TTC6: variants seen among roughly 807,000 people sequenced by gnomAD.
TTC6 encodes the protein tetratricopeptide repeat protein 6.
A neutral mutation model predicts 210.4 loss-of-function variants in TTC6; 172 were observed. The ratio of observed to expected loss-of-function variants is 0.82; its 90% confidence interval spans 0.72 to 0.93. The LOEUF (loss-of-function observed/expected upper bound fraction) is 0.93. Among genes scored for constraint, TTC6 ranks in the 40% least tolerant of loss-of-function variants. The pLI, the probability that TTC6 is intolerant of heterozygous loss-of-function variation, is 0.00. For missense variants in TTC6, 2,414 were observed against 2,318.1 expected, an observed-to-expected ratio of 1.04 and a Z score of -0.85; for synonymous variants, 804 against 819.6, an observed-to-expected ratio of 0.98 and a Z score of 0.32.
chr14:37,685,386 C>T (rs1207106898), intron 3 of TTC6, among the ~76,000 whole-genome samples: 1 of 151,986 alleles, frequency 6.6e-6, no homozygotes, highest in Non-Finnish European at 1.5e-5. Flanking sequence ...AAGCCGAGAT[C>T]CAGAATGGGT....
In TTC6 at chr14:37,638,706, T is replaced by A. The variant is rs139289080; in HGVS notation, c.939+15703T>A. Reference sequence around the variant, plus strand: ...CTTGACTGTATCACTGTTGATATCCTGGTTGTGATATTGTATTATAGTTTT... The same window carrying A: ...CTTGACTGTATCACTGTTGATATCCAGGTTGTGATATTGTATTATAGTTTT... On this transcript the variant is annotated intron_variant, in intron 1 of 30. Transcript: ENST00000553443. Among the ~76,000 whole-genome samples the A allele has an allele frequency of 7.0e-3, 1,065 of 152,306 alleles. 10 individuals are homozygous for A. Among genetic ancestry groups the A allele is most frequent in the Middle Eastern group, 0.02 (6 of 294 alleles).
At chr14:37,760,950 C>T (rs1377436975) in intron 14 of TTC6, among the ~76,000 whole-genome samples, 1 of 152,182 alleles carries the variant, frequency 6.6e-6, no homozygotes, top group African/African-American at 2.4e-5. Context: ...GCTTGCTGGG[C>T]TCCATGGGAG....
upstream of TTC6, among the ~76,000 whole-genome samples, chr14:37,618,723 T>C (rs2095646622): frequency 6.6e-6 from 1 of 152,210 alleles, no homozygotes; most frequent in Admixed American, 6.5e-5. Flanking sequence ...AAGTTCCTGT[T>C]GAATTTAGAA....
At chr14:37,759,768 T>C (rs1167349417) in intron 14 of TTC6, among the ~76,000 whole-genome samples, 4 of 152,232 alleles carry the variant, frequency 2.6e-5, no homozygotes, top group Admixed American at 1.3e-4. Flanking sequence ...ATGTCTGATA[T>C]CCTTTTTTCT....
intron 14 of TTC6, among the ~76,000 whole-genome samples, chr14:37,759,647 A>G (rs757330530): frequency 1.6e-4 from 25 of 152,134 alleles, no homozygotes; most frequent in Non-Finnish European, 3.1e-4. Flanking sequence ...AATCAATCGT[A>G]GGTTTGGTCT....
At chr14:37,696,275 A>G (rs1595118035) in intron 3 of TTC6, among the ~76,000 whole-genome samples, 2 of 152,142 alleles carry the variant, frequency 1.3e-5, no homozygotes, top group Admixed American at 6.6e-5. Flanking sequence ...ATATCTTTAC[A>G]TGAGTGATTA....
upstream of TTC6, among the ~76,000 whole-genome samples, chr14:37,618,137 T>A (rs2095645674): frequency 6.6e-6 from 1 of 152,210 alleles, no homozygotes; most frequent in Admixed American, 6.5e-5. Flanking sequence ...AGTTTTGGAT[T>A]TTCCGTTCCA....
chr14:37,810,017 A>C lies in TTC6; in HGVS notation c.4569+1171A>C, dbSNP rs776926691. Among the ~76,000 whole-genome samples the C allele has an allele frequency of 5.5e-4, 83 of 152,242 alleles. 2 individuals carry two copies. Among genetic ancestry groups the C allele is most frequent in the Non-Finnish European group, 1.9e-4 (13 of 68,040 alleles). ...ACTCTCCATTCTGTGAAACGTGGAC[A>C]GTGAAATCTGTTTAAAACATTTAGT... On this transcript the variant is annotated intron_variant, in intron 24 of 30. Coordinates refer to ENST00000553443, the Ensembl canonical transcript of TTC6.
chr14:37,692,224 A>AAAAAAAAAAAAAAAAAAAAAAAAAG (rs2095805029), intron 3 of TTC6, among the ~76,000 whole-genome samples: 7 of 143,058 alleles, frequency 4.9e-5, no homozygotes, highest in South Asian at 2.2e-4. Flanking sequence ...AAAAAAAAAA[A>AAAAAAAAAAAAAAAAAAAAAAAAAG]AAAAAAAAGA....
chr14:37,616,177 G>T (rs529274263), intron 2 of TTC6, among the ~76,000 whole-genome samples: 4 of 152,184 alleles, frequency 2.6e-5, no homozygotes, highest in African/African-American at 9.7e-5. Context: ...AGTCGGAGAC[G>T]TGTGGGGTTT....
chr14:37,742,274 A>G lies in TTC6; in HGVS notation c.2363+3119A>G, dbSNP rs183739987. Among the ~76,000 whole-genome samples, 1,062 of 152,222 alleles carry G rather than the reference A, an allele frequency of 7.0e-3. 8 individuals are homozygous for G. Among genetic ancestry groups the G allele is most frequent in the Non-Finnish European group, 8.9e-3 (608 of 68,024 alleles). Reference sequence around the variant, plus strand: ...CCTGCGAGTGACCCTGTGGTCTCAGACCTGTTTTTCTTGGCTCATCTTGTG... The same window carrying G: ...CCTGCGAGTGACCCTGTGGTCTCAGGCCTGTTTTTCTTGGCTCATCTTGTG... On this transcript the variant is annotated intron_variant, in intron 10 of 30. Transcript: ENST00000553443.
chr14:37,698,721 T>C (rs1450638383), intron 4 of TTC6, among the ~76,000 whole-genome samples: 3 of 152,176 alleles, frequency 2.0e-5, no homozygotes, highest in Non-Finnish European at 2.9e-5. Flanking sequence ...CTATTAATGA[T>C]TCAATAGTGT....
intron 17 of TTC6, among the ~76,000 whole-genome samples, 168 bp downstream of exon 19, chr14:37,792,582 C>G (rs187394171): frequency 6.6e-6 from 1 of 151,936 alleles, no homozygotes; most frequent in African/African-American, 2.4e-5. Context: ...ATTTATAAAG[C>G]CTCTACTTTC....
At chr14:37,602,867 G>T (rs2095618397) in intron 1 of TTC6, among the ~76,000 whole-genome samples, 1 of 152,180 alleles carries the variant, frequency 6.6e-6, no homozygotes, top group African/African-American at 2.4e-5. Flanking sequence ...TGCAGTTGGT[G>T]GCATGGATCC....
At chr14:37,670,342 G>A (rs531030187) in intron 1 of TTC6, among the ~76,000 whole-genome samples, 11 of 152,038 alleles carry the variant, frequency 7.2e-5, no homozygotes, top group South Asian at 2.1e-4. Context: ...GAAATGTTAC[G>A]TGATTAAATA....
intron 7 of TTC6, among the ~76,000 whole-genome samples, chr14:37,729,203 C>A (rs1283565968): frequency 6.6e-6 from 1 of 152,026 alleles, no homozygotes; most frequent in Non-Finnish European, 1.5e-5. Flanking sequence ...TGCAGTCTAA[C>A]CTTTTCATTT....
intron 14 of TTC6, among the ~76,000 whole-genome samples, chr14:37,766,804 A>AT (rs1157520578): frequency 4.6e-5 from 7 of 151,710 alleles, no homozygotes; most frequent in Admixed American, 2.0e-4. Flanking sequence ...TCTTTTTTTT[A>AT]TTTTTTATTA....
At chr14:37,653,403 A>G (rs890570822) in intron 1 of TTC6, among the ~76,000 whole-genome samples, 3 of 151,976 alleles carry the variant, frequency 2.0e-5, no homozygotes, top group African/African-American at 7.3e-5. Context: ...TGTAACTTCT[A>G]TTATTTGGAT....
intron 20 of TTC6, among the ~76,000 whole-genome samples, chr14:37,797,828 T>G (rs2096096205): frequency 6.6e-6 from 1 of 152,114 alleles, no homozygotes; most frequent in Admixed American, 6.6e-5. Flanking sequence ...TATTCTTTTT[T>G]AGCATGAGAG....
Sources: allele counts gnomAD v4.1 joint callset (sites outside exome capture counted in the v4.1 genomes callset), GRCh38; gene constraint gnomAD v4.1.1; transcripts MANE v1.5; gene names NCBI Gene and HGNC (gene_info 2026-07-23, HGNC 2026-07-21).